Variants in LRMDA observed in about 807,000 individuals in gnomAD.
LRMDA encodes leucine-rich melanocyte differentiation-associated protein.
Under a neutral mutation model 29.8 loss-of-function variants are expected in LRMDA, and 18 were observed. That is an observed-to-expected ratio of 0.60 (90% CI 0.42 to 0.90). The LOEUF (loss-of-function observed/expected upper bound fraction) is 0.90. Ranked by LOEUF, LRMDA falls within the 40% of genes least tolerant of loss-of-function variation. LRMDA has a pLI of 0.00. For missense variants in LRMDA, 273 were observed against 273.9 expected (o/e 1.00, Z 0.02); for synonymous variants, 125 against 109.4 (o/e 1.14, Z -0.89).
At chr10:75,930,019 A>G (rs1259824803) in intron 2 of LRMDA, among the ~76,000 whole-genome samples, 1 of 152,190 alleles carries the variant, frequency 6.6e-6, no homozygotes, top group Non-Finnish European at 1.5e-5. Flanking sequence ...TTTTATTCAT[A>G]CCATGAAGCA....
intron 2 of LRMDA, among the ~76,000 whole-genome samples, chr10:75,557,998 G>A (rs1027461615): frequency 5.9e-5 from 9 of 152,050 alleles, no homozygotes; most frequent in East Asian, 1.9e-4. Context: ...TGTAGCCAGC[G>A]AAATGTTTCG....
chr10:75,431,894 C>A, intron 1 of LRMDA, 140 bp downstream of exon 1: 1 of 858,284 alleles, frequency 1.2e-6, no homozygotes, highest in Non-Finnish European at 1.5e-6. Flanking sequence ...GCTTCAGGTG[C>A]TCAGGCTCGC....
intron 2 of LRMDA, among the ~76,000 whole-genome samples, chr10:75,975,615 T>C (rs1194978303): frequency 6.6e-6 from 1 of 152,206 alleles, no homozygotes; most frequent in African/African-American, 2.4e-5. Context: ...TGGCATGCTC[T>C]CCTTTCTTTG....
chr10:76,093,140 C>A (rs548716389), intron 5 of LRMDA, among the ~76,000 whole-genome samples: 8 of 151,994 alleles, frequency 5.3e-5, no homozygotes, highest in Non-Finnish European at 7.4e-5. Flanking sequence ...CAGGTTCAAG[C>A]GATTCTCCTG....
intron 4 of LRMDA, among the ~76,000 whole-genome samples, chr10:76,051,459 C>T (rs1296600340): frequency 6.6e-6 from 1 of 152,204 alleles, no homozygotes; most frequent in African/African-American, 2.4e-5. Flanking sequence ...GAGCTCACCT[C>T]GGCTCATTAG....
intron 2 of LRMDA, among the ~76,000 whole-genome samples, chr10:75,837,222 C>T (rs2132297068): frequency 6.6e-6 from 1 of 152,138 alleles, no homozygotes; most frequent in East Asian, 1.9e-4. Flanking sequence ...GCAAAATATT[C>T]ATGAGCGATA....
chr10:75,671,901 A>G (rs1841895709), intron 2 of LRMDA, among the ~76,000 whole-genome samples: 1 of 152,220 alleles, frequency 6.6e-6, no homozygotes, highest in African/African-American at 2.4e-5. Context: ...AAGAGATGAT[A>G]AAAGTTTAAA....
chr10:76,386,332 A>G (rs1467727228), intron 6 of LRMDA, among the ~76,000 whole-genome samples: 1 of 152,230 alleles, frequency 6.6e-6, no homozygotes, highest in Non-Finnish European at 1.5e-5. Context: ...TGTTAAAGAA[A>G]AGATTTAGAC....
intron 2 of LRMDA, among the ~76,000 whole-genome samples, chr10:76,010,692 A>T (rs1847764514): frequency 6.6e-6 from 1 of 152,074 alleles, no homozygotes; most frequent in Non-Finnish European, 1.5e-5. Context: ...TCCCCCTCTC[A>T]TGCCTCCTTA....
At chr10:75,516,777 T>C (rs1019671922) in intron 2 of LRMDA, among the ~76,000 whole-genome samples, 4 of 152,146 alleles carry the variant, frequency 2.6e-5, no homozygotes, top group African/African-American at 9.7e-5. Flanking sequence ...TCCTTGCCCA[T>C]GCCTATGTCC....
intron 2 of LRMDA, among the ~76,000 whole-genome samples, chr10:75,554,314 C>T (rs1384550700): frequency 6.6e-6 from 1 of 151,996 alleles, no homozygotes; most frequent in East Asian, 1.9e-4. Context: ...AGAAATCCTT[C>T]CAAATGGGAA....
rs553569826 is a variant in LRMDA, at chr10:76,133,720, T to C, written c.516+74937T>C. Among the ~76,000 whole-genome samples, 11 of 152,342 alleles carry C rather than the reference T, an allele frequency of 7.2e-5. No individual in the cohort carries two copies. In the East Asian group the frequency reaches 1.5e-3, roughly 21 times the overall value. On this transcript the variant is annotated intron_variant, in intron 5 of 6. Transcript: ENST00000611255. ...GGTTTGCATCAATTACTCGACGACA[T>C]GTGGAAAATGATTGATGAGCTGCCT...
chr10:75,828,148 T>C (rs567729680), intron 2 of LRMDA, among the ~76,000 whole-genome samples: 56 of 152,224 alleles, frequency 3.7e-4, no homozygotes, highest in African/African-American at 1.3e-3. Context: ...TTATGTTTGG[T>C]TTGAGAGGAT....
chr10:75,482,951 C>CCTTCT (rs1844869852), intron 2 of LRMDA, among the ~76,000 whole-genome samples: 1 of 145,516 alleles, frequency 6.9e-6, no homozygotes, highest in Non-Finnish European at 1.5e-5. Context: ...TCCTTTCCTT[C>CCTTCT]TTTTTTTTTT....
intron 6 of LRMDA, among the ~76,000 whole-genome samples, chr10:76,463,562 C>A (rs1842533605): frequency 1.3e-5 from 2 of 152,098 alleles, no homozygotes; most frequent in East Asian, 3.9e-4. Flanking sequence ...ATGGCTTTCA[C>A]TGCAAGTTTT....
chr10:75,526,637 G>C (rs1438626392), intron 2 of LRMDA, among the ~76,000 whole-genome samples: 6 of 151,998 alleles, frequency 3.9e-5, no homozygotes, highest in Admixed American at 3.9e-4. Flanking sequence ...AGGATTGCTT[G>C]AGCCCAGGAG....
chr10:75,825,389 G>C (rs754416006), intron 2 of LRMDA, among the ~76,000 whole-genome samples: 1 of 152,178 alleles, frequency 6.6e-6, no homozygotes, highest in Non-Finnish European at 1.5e-5. Flanking sequence ...CGCTAGGCAC[G>C]TGATTTACCA....
chr10:75,648,537 G>A (rs535158618), intron 2 of LRMDA, among the ~76,000 whole-genome samples: 1 of 152,086 alleles, frequency 6.6e-6, no homozygotes, highest in Non-Finnish European at 1.5e-5. Context: ...GACCACGTGG[G>A]CCTGGGTCCT....
intron 5 of LRMDA, among the ~76,000 whole-genome samples, chr10:76,158,550 C>T (rs185687894): frequency 5.2e-4 from 79 of 152,064 alleles, no homozygotes; most frequent in East Asian, 1.9e-3. Context: ...GAACGTACTA[C>T]GAAGAAACAA....
Sources: gnomAD v4.1 joint callset for allele counts (sites outside exome capture counted in the v4.1 genomes callset) on GRCh38, gnomAD v4.1.1 for gene constraint, MANE v1.5 for transcripts, NCBI Gene and HGNC (gene_info 2026-07-23, HGNC 2026-07-21) for gene names.